LIPK: variants seen among roughly 807,000 people sequenced by gnomAD.
The protein encoded by LIPK is lipase family member K, also known as lipase member K.
Under a neutral mutation model 48.6 loss-of-function variants are expected in LIPK, and 32 were observed. The ratio of observed to expected loss-of-function variants is 0.66; its 90% CI spans 0.50 to 0.88. LIPK has a LOEUF of 0.88. LIPK is among the 40% of genes least tolerant of loss of function. The pLI is 0.00. For synonymous variants in LIPK, 164 were observed against 157.4 expected, an observed-to-expected ratio of 1.04 and a Z score of -0.32; for missense variants, 507 against 478.5, an observed-to-expected ratio of 1.06 and a Z score of -0.56.
At chr10:88,722,456 T>G (rs1028499411) in intron 1 of LIPK, among the ~76,000 whole-genome samples, 2 of 152,240 alleles carry the variant, frequency 1.3e-5, no homozygotes, top group Non-Finnish European at 2.9e-5. Flanking sequence ...TTTTAAACTT[T>G]AGAATGCATA....
At chr10:88,741,495 G>A (rs993405178) in intron 8 of LIPK, among the ~76,000 whole-genome samples, 3 of 152,148 alleles carry the variant, frequency 2.0e-5, no homozygotes, top group Non-Finnish European at 2.9e-5. Context: ...CAGAGTGCTG[G>A]GATTACAGGC....
chr10:88,749,795 A>C (rs768092923), intron 9 of LIPK, among the ~76,000 whole-genome samples: 1 of 152,244 alleles, frequency 6.6e-6, no homozygotes. Flanking sequence ...ACAAAAAACA[A>C]TTGACAAGTG....
intron 1 of LIPK, among the ~76,000 whole-genome samples, chr10:88,720,352 A>T (rs975022505): frequency 5.3e-5 from 8 of 152,156 alleles, no homozygotes; most frequent in African/African-American, 1.9e-4. Flanking sequence ...GGAATGACAG[A>T]CACTGGGGCC....
intron 1 of LIPK, among the ~76,000 whole-genome samples, chr10:88,719,503 A>C (rs1487704648): frequency 6.6e-6 from 1 of 152,264 alleles, no homozygotes; most frequent in Non-Finnish European, 1.5e-5. Flanking sequence ...GGACAGAGTT[A>C]GAATTTTAAC....
At position 88,732,200 on chromosome 10, in the gene LIPK, G is replaced by A. The variant is rs1429005768; in HGVS notation, c.445G>A (p.Asp149Asn). Reference sequence around the variant, plus strand: ...TAGTTTGGATGAGATGGCTAAATATGACCTTCCAGCCACAATCAATTTTAT... The same window carrying A: ...TAGTTTGGATGAGATGGCTAAATATAACCTTCCAGCCACAATCAATTTTAT... ...AFSLDEMAKY[D>N]LPATINFIIE... Residue 149 changes from aspartate to asparagine, a missense_variant, in exon 5 of 10, where the codon GAC becomes AAC. By Grantham distance (23) the Asp-to-Asn change is conservative. Transcript: ENST00000404190. 1.9e-6 allele frequency: 3 copies of A among 1,600,686 alleles called. No individual in the cohort carries two copies. Among genetic ancestry groups the A allele is most frequent in the Non-Finnish European group, 2.6e-6 (3 of 1,172,604 alleles).
In LIPK at chr10:88,722,889, C is replaced by CTTT. The variant is rs398014386; in HGVS notation, c.-11-1634_-11-1632dup. Among the ~76,000 whole-genome samples the CTTT allele has an allele frequency of 1.2e-3, 131 of 113,164 alleles. 5 individuals carry two copies. The highest frequency in any genetic ancestry group is 2.0e-3 in the South Asian group (7 of 3,578). The allele number at this position is 113,164 out of a possible 152,430, so 74.2% of individuals were successfully genotyped here. Reference sequence around the variant, plus strand: ...AATTGTTTTTCTTCTTTTCTTTTTTCTTTTTTTTTTTTGACAGGGTTTCAC... The same window carrying CTTT: ...AATTGTTTTTCTTCTTTTCTTTTTTCTTTTTTTTTTTTTTTGACAGGGTTTCAC... On this transcript the variant is annotated intron_variant, in intron 1 of 9. Transcript: ENST00000404190.
chr10:88,722,804 C>T (rs1174681826), intron 1 of LIPK, among the ~76,000 whole-genome samples: 2 of 151,580 alleles, frequency 1.3e-5, no homozygotes, highest in African/African-American at 4.9e-5. Flanking sequence ...AATTACTTGA[C>T]TTTGTAAGAC....
At chr10:88,710,841 G>A (rs562726616) in intron 1 of LIPK, among the ~76,000 whole-genome samples, 2 of 152,110 alleles carry the variant, frequency 1.3e-5, no homozygotes, top group Non-Finnish European at 2.9e-5. Context: ...AGGCAGAATT[G>A]CTATCTCACA....
At chr10:88,742,294 C>T (rs1011855413) in intron 8 of LIPK, among the ~76,000 whole-genome samples, 13 of 152,170 alleles carry the variant, frequency 8.5e-5, no homozygotes, top group African/African-American at 2.2e-4. Context: ...CTAAGTAGTA[C>T]GTCCTATTGC....
At chr10:88,727,909 G>A in intron 3 of LIPK, 1 of 363,290 alleles carries the variant, frequency 2.8e-6, no homozygotes. Flanking sequence ...GCCTGCAGCA[G>A]CAGAAGACAG....
At chr10:88,733,386 C>T (rs78460187) in intron 6 of LIPK, among the ~76,000 whole-genome samples, 2 of 152,236 alleles carry the variant, frequency 1.3e-5, no homozygotes, top group African/African-American at 2.4e-5. Context: ...GGTGATTGCA[C>T]GGTTCAGTGA....
At chr10:88,743,836 T>C (rs996176491) in intron 9 of LIPK, among the ~76,000 whole-genome samples, 1 of 152,128 alleles carries the variant, frequency 6.6e-6, no homozygotes, top group Non-Finnish European at 1.5e-5. Context: ...GTGAGTTAAA[T>C]AGGAGTGCAA....
chr10:88,730,409 C>A (rs1422747070), intron 3 of LIPK, among the ~76,000 whole-genome samples: 1 of 152,090 alleles, frequency 6.6e-6, no homozygotes, highest in African/African-American at 2.4e-5. Context: ...CCTGCCTCAG[C>A]CTCCCGAGTA....
chr10:88,712,577 T>C (rs1349910868), intron 1 of LIPK, among the ~76,000 whole-genome samples: 1 of 152,184 alleles, frequency 6.6e-6, no homozygotes, highest in African/African-American at 2.4e-5. Flanking sequence ...GTCATATCCT[T>C]GTTCCAGATA....
At chr10:88,716,577 G>C (rs914072964) in intron 1 of LIPK, among the ~76,000 whole-genome samples, 10 of 152,096 alleles carry the variant, frequency 6.6e-5, no homozygotes, top group African/African-American at 2.2e-4. Flanking sequence ...GGCTGGTCTG[G>C]AACTCCTGGC....
intron 1 of LIPK, among the ~76,000 whole-genome samples, chr10:88,713,716 G>A (rs1005206047): frequency 7.9e-5 from 12 of 152,164 alleles, no homozygotes; most frequent in African/African-American, 2.4e-4. Context: ...CGAGGTGGGC[G>A]GATTACCTGA....
chr10:88,727,176 C>T (rs1224969658), intron 3 of LIPK, among the ~76,000 whole-genome samples: 1 of 152,206 alleles, frequency 6.6e-6, no homozygotes, highest in Non-Finnish European at 1.5e-5. Flanking sequence ...CGTGTTCTTA[C>T]CCTAGTGATA....
At chr10:88,745,093 TA>T (rs1842743991) in intron 9 of LIPK, among the ~76,000 whole-genome samples, 1 of 152,018 alleles carries the variant, frequency 6.6e-6, no homozygotes, top group African/African-American at 2.4e-5. Context: ...AAAAAGAATT[TA>T]AAAAATGAAC....
intron 7 of LIPK, among the ~76,000 whole-genome samples, chr10:88,739,374 A>G (rs1842636027): frequency 6.6e-6 from 1 of 152,146 alleles, no homozygotes; most frequent in South Asian, 2.1e-4. Context: ...TATACCCTTG[A>G]ACCTATGGGA....
Sources: allele counts gnomAD v4.1 joint callset (sites outside exome capture counted in the v4.1 genomes callset), GRCh38; gene constraint gnomAD v4.1.1; transcripts MANE v1.5; gene names NCBI Gene and HGNC (gene_info 2026-07-23, HGNC 2026-07-21).